The following DNAJB1 variants were observed in gnomAD, a reference collection of about 807,000 sequenced individuals.
DNAJB1 encodes DnaJ heat shock protein family (Hsp40) member B1, also known as dnaJ homolog subfamily B member 1.
In DNAJB1, 14 loss-of-function variants were observed where a neutral mutation model predicts 24.0. The observed-to-expected ratio is 0.58, with a 90% CI of 0.39 to 0.91. The LOEUF is 0.91. Among genes scored for constraint, DNAJB1 ranks in the 40% least tolerant of loss-of-function variants. DNAJB1 has a pLI of 0.00. For missense variants in DNAJB1, 517 were observed against 458.1 expected (o/e 1.13, Z -1.17); for synonymous variants, 262 against 174.4 (o/e 1.50, Z -3.96).
intron 1 of DNAJB1, among the ~76,000 whole-genome samples, chr19:14,544,024 C>T (rs937150922): frequency 6.6e-6 from 1 of 152,134 alleles, no homozygotes; most frequent in Non-Finnish European, 1.5e-5. Context: ...AGGTGTGAGC[C>T]AACGTGCCGG....
intron 1 of DNAJB1, chr19:14,536,708 A>C (rs2072911415): frequency 6.6e-6 from 1 of 152,104 alleles, no homozygotes. Flanking sequence ...GGGTATTTAC[A>C]TCACGGAAAG....
intron 1 of DNAJB1, 92 bp from the exon 2 acceptor site, chr19:14,517,138 G>A (rs778269400): frequency 7.3e-7 from 1 of 1,374,976 alleles, no homozygotes; most frequent in Non-Finnish European, 9.8e-7. Context: ...GAAGCCATGG[G>A]GGAGGAACTT....
In DNAJB1 at chr19:14,518,236, C is replaced by A. The variant is rs1172409599; in HGVS notation, c.114G>T (p.Glu38Asp). 6.2e-6 allele frequency: 10 copies of A among 1,609,538 alleles called. No homozygotes were observed. Among genetic ancestry groups the A allele is most frequent in the African/African-American group, 5.4e-5 (4 of 74,500 alleles). The change falls in exon 1 of 3, where the codon GAG becomes GAT. Residue 38 changes from glutamate to aspartate, a missense_variant. Coordinates refer to ENST00000254322, the MANE Select transcript of DNAJB1 (RefSeq NM_006145.3). ...CCTTGAACTTCTCCTCGGCGCCGGG[C>A]TCCTTGTTCTTGTCCGGGTGGTAGC... ...ALRYHPDKNK[E>D]PGAEEKFKEI...
At chr19:14,518,555 T>G (rs1187986218), upstream of DNAJB1, 8 of 386,508 alleles carry the variant, frequency 2.1e-5, no homozygotes, top group Admixed American at 4.7e-5. Flanking sequence ...GGCCTCGCCG[T>G]CAACGGCCGC....
intron 1 of DNAJB1, 85 bp from the exon 2 acceptor site, chr19:14,517,131 G>A (rs1410962700): frequency 2.8e-6 from 4 of 1,428,864 alleles, no homozygotes; most frequent in African/African-American, 1.4e-5. Flanking sequence ...CAGCTTGGAA[G>A]CCATGGGGGA....
In DNAJB1 at chr19:14,515,257, G is replaced by A. The variant is rs373283283; in HGVS notation, c.*683C>T. ...CAAAGTGAGGACATTCAGCTTCACT[G>A]GAGCCAGAGGTCAGGAAGGCCCCTT... On this transcript the variant is annotated 3_prime_UTR_variant, in exon 3 of 3. Coordinates refer to ENST00000254322, the MANE Select transcript of DNAJB1 (RefSeq NM_006145.3). 6.6e-6 allele frequency: 1 copy of A among 152,608 alleles called. No homozygotes were observed. The highest frequency in any genetic ancestry group is 2.4e-5 in the African/African-American group (1 of 41,438). The allele number at this position is 152,608 out of a possible 1,614,324, so 9.5% of individuals were successfully genotyped here.
chr19:14,552,507 A>G (rs371528211), upstream of DNAJB1, among the ~76,000 whole-genome samples: 7 of 150,920 alleles, frequency 4.6e-5, no homozygotes, highest in African/African-American at 1.7e-4. Context: ...CAAGCCACGT[A>G]ACAGGCATCA....
chr19:14,539,363 ACT>A (rs2073019776), intron 1 of DNAJB1, among the ~76,000 whole-genome samples: 1 of 151,408 alleles, frequency 6.6e-6, no homozygotes, highest in Non-Finnish European at 1.5e-5. Flanking sequence ...GTCACACCAC[ACT>A]CAGAGCCCAC....
At chr19:14,552,145 T>TTTTC (rs141646907), upstream of DNAJB1, among the ~76,000 whole-genome samples, 3,417 of 148,214 alleles carry the variant, frequency 0.023, 61 homozygotes, top group East Asian at 0.089. Context: ...GGCCTTTTTC[T>TTTTC]TTTCTTTCTT....
At chr19:14,535,003 G>A (rs563462938) in intron 1 of DNAJB1, among the ~76,000 whole-genome samples, 1 of 152,312 alleles carries the variant, frequency 6.6e-6, no homozygotes, top group South Asian at 2.1e-4. Flanking sequence ...GCGGGTCAGT[G>A]TGGACTGCTG....
At chr19:14,518,803 C>T (rs1761546355), upstream of DNAJB1, among the ~76,000 whole-genome samples, 2 of 152,378 alleles carry the variant, frequency 1.3e-5, no homozygotes, top group South Asian at 2.1e-4. Context: ...CCAGTCCTTT[C>T]CCCGGGAGGC....
chr19:14,552,165 CTTTT>C (rs1488244383), upstream of DNAJB1, among the ~76,000 whole-genome samples: 1 of 142,244 alleles, frequency 7.0e-6, no homozygotes, highest in Non-Finnish European at 1.5e-5. Context: ...TTCTTTCTTT[CTTTT>C]TTCTTTTTTT....
Position 14,557,120 on chromosome 19 carries a change from T to A in DNAJB1, c.-2165-2802A>T, listed in dbSNP as rs1484634337. ...CTGCTAGTGTTGGTCTAATCTTATT[T>A]ATTTATTTATTTATTTATTTATTTA... On this transcript the variant is annotated intron_variant, in intron 1 of 5. Coordinates refer to the DNAJB1 transcript ENST00000679223. Among the ~76,000 whole-genome samples the A allele has an allele frequency of 3.0e-3, 414 of 139,862 alleles. 4 individuals carry two copies. The highest frequency in any genetic ancestry group is 0.011 in the African/African-American group (398 of 35,738). 91.8% of individuals were successfully genotyped at this position (139,862 alleles called of 152,430 possible). A position where few individuals can be genotyped will look rare whatever the true frequency, so the allele number is the denominator to read the frequency against.
chr19:14,555,384 G>T (rs551740473), intron 1 of DNAJB1, among the ~76,000 whole-genome samples: 19 of 150,776 alleles, frequency 1.3e-4, no homozygotes, highest in African/African-American at 4.1e-4. Flanking sequence ...GAGTAGCTGG[G>T]ATTACAGGTG....
intron 1 of DNAJB1, among the ~76,000 whole-genome samples, chr19:14,559,702 G>A (rs562729004): frequency 4.6e-5 from 7 of 151,982 alleles, no homozygotes; most frequent in Admixed American, 1.3e-4. Flanking sequence ...CAGGAGAATC[G>A]TTTGAACCTG....
upstream of DNAJB1, among the ~76,000 whole-genome samples, chr19:14,551,477 C>T (rs1240205830): frequency 6.6e-6 from 1 of 152,166 alleles, no homozygotes; most frequent in Non-Finnish European, 1.5e-5. Flanking sequence ...CTTGCAGGCA[C>T]ACCCATTTAC....
At chr19:14,559,569 C>G (rs1292305617) in intron 1 of DNAJB1, among the ~76,000 whole-genome samples, 1 of 152,090 alleles carries the variant, frequency 6.6e-6, no homozygotes, top group African/African-American at 2.4e-5. Flanking sequence ...GGTGGATTGC[C>G]TGAGCTCAGG....
chr19:14,552,161 CTTTCTTTTTTCT>C (rs2073546876), upstream of DNAJB1, among the ~76,000 whole-genome samples: 1 of 147,388 alleles, frequency 6.8e-6, no homozygotes, highest in African/African-American at 2.5e-5. Flanking sequence ...TTCTTTCTTT[CTTTCTTTTTTCT>C]TTTTTTTTTT....
chr19:14,547,518 A>T (rs1490024835), intron 1 of DNAJB1, among the ~76,000 whole-genome samples: 2 of 152,010 alleles, frequency 1.3e-5, no homozygotes, highest in Non-Finnish European at 2.9e-5. Flanking sequence ...GTGCCACCAC[A>T]CCTGGCTAAT....
Sources: allele counts gnomAD v4.1 joint callset (sites outside exome capture counted in the v4.1 genomes callset), GRCh38; gene constraint gnomAD v4.1.1; transcripts MANE v1.5; gene names NCBI Gene and HGNC (gene_info 2026-07-23, HGNC 2026-07-21).